CSMD1: variants seen among roughly 807,000 people sequenced by gnomAD.
CSMD1 encodes the protein CUB and sushi domain-containing protein 1.
Under a neutral mutation model 417.5 loss-of-function variants are expected in CSMD1, and 213 were observed. That is an observed-to-expected ratio of 0.51 (90% confidence interval 0.46 to 0.57). CSMD1 has a LOEUF of 0.57. Among genes scored for constraint, CSMD1 ranks in the 20% least tolerant of loss-of-function variants. CSMD1 has a pLI of 0.00. For missense variants in CSMD1, 6,923 were observed against 4,529.7 expected (o/e 1.53, Z -15.17); for synonymous variants, 2,862 against 1,736.8 (o/e 1.65, Z -16.11).
chr8:4,419,109 T>G (rs1797107204), intron 3 of CSMD1, among the ~76,000 whole-genome samples: 1 of 152,194 alleles, frequency 6.6e-6, no homozygotes, highest in African/African-American at 2.4e-5. Context: ...AATTTGTGAC[T>G]TAGTAGCAAA....
chr8:4,911,804 G>T (rs1016590156), intron 1 of CSMD1, among the ~76,000 whole-genome samples: 6 of 151,980 alleles, frequency 3.9e-5, no homozygotes, highest in Admixed American at 3.3e-4. Context: ...TTCTAGATTG[G>T]AGTTGCTCAT....
chr8:3,731,988 G>A (rs1243683021), intron 6 of CSMD1, among the ~76,000 whole-genome samples: 1 of 152,106 alleles, frequency 6.6e-6, no homozygotes, highest in South Asian at 2.1e-4. Context: ...GATATTTAAA[G>A]AACAGCAGCA....
At chr8:3,697,046 G>A (rs745499050) in intron 7 of CSMD1, among the ~76,000 whole-genome samples, 2 of 152,138 alleles carry the variant, frequency 1.3e-5, no homozygotes, top group South Asian at 2.1e-4. Flanking sequence ...TCCATTGAGG[G>A]CAGACACAAG....
At position 4,152,857 on chromosome 8, in the gene CSMD1, T is replaced by C. The variant is rs574279525; in HGVS notation, c.416-120758A>G. 2.6e-5 allele frequency among the ~76,000 whole-genome samples: 4 copies of C among 152,304 alleles called. No individual in the cohort carries two copies. The South Asian group carries it at 8.3e-4, about 32-fold the overall frequency. ...ATGTATGTATGTGCATGTGTATTTATGGAGAAATGAGAAATTAACATCAAA... is the reference window on the plus strand; with the variant it reads ...ATGTATGTATGTGCATGTGTATTTACGGAGAAATGAGAAATTAACATCAAA... On this transcript the variant is annotated intron_variant, in intron 3 of 69. Transcript: ENST00000635120.
intron 5 of CSMD1, among the ~76,000 whole-genome samples, chr8:3,983,061 A>T (rs570058954): frequency 1.3e-5 from 2 of 151,148 alleles, no homozygotes; most frequent in East Asian, 3.9e-4. Context: ...AAGTTGGCTG[A>T]CTCTTTTCCC....
intron 1 of CSMD1, among the ~76,000 whole-genome samples, chr8:4,741,423 T>A (rs1292273092): frequency 6.6e-6 from 1 of 152,198 alleles, no homozygotes; most frequent in East Asian, 1.9e-4. Flanking sequence ...GACCAGGAAA[T>A]AACTGTTTTT....
chr8:4,411,611 G>A (rs1796652967), intron 3 of CSMD1, among the ~76,000 whole-genome samples: 1 of 152,036 alleles, frequency 6.6e-6, no homozygotes, highest in Non-Finnish European at 1.5e-5. Context: ...GAAAAATACA[G>A]CAATCCTTCC....
At chr8:3,855,922 G>C (rs113885899) in intron 5 of CSMD1, among the ~76,000 whole-genome samples, 2 of 152,098 alleles carry the variant, frequency 1.3e-5, no homozygotes, top group Non-Finnish European at 2.9e-5. Context: ...ATCTGTACGG[G>C]TGAGATAAAT....
chr8:4,741,909 C>A lies in CSMD1; in HGVS notation c.86-104351G>T, dbSNP rs893423081. Among the ~76,000 whole-genome samples, 20 of 150,656 alleles carry A rather than the reference C, an allele frequency of 1.3e-4. No homozygotes were observed. In the Middle Eastern group the frequency reaches 0.01, roughly 79 times the overall value. On this transcript the variant is annotated intron_variant, in intron 1 of 69. Transcript: ENST00000635120. ...AGTACAGTAGCATGATCACAGCTCACTGCAGCTTCGACTTCCTGGGCTCAA... is the reference window on the plus strand; with the variant it reads ...AGTACAGTAGCATGATCACAGCTCAATGCAGCTTCGACTTCCTGGGCTCAA...
At chr8:2,968,649 C>A (rs1468999650) in intron 57 of CSMD1, among the ~76,000 whole-genome samples, 2 of 152,060 alleles carry the variant, frequency 1.3e-5, no homozygotes, top group East Asian at 3.9e-4. Context: ...GACTAGAAGG[C>A]AATGTCAACA....
At chr8:3,677,927 A>T (rs1020687232) in intron 7 of CSMD1, among the ~76,000 whole-genome samples, 24 of 152,178 alleles carry the variant, frequency 1.6e-4, no homozygotes, top group Admixed American at 1.1e-3. Context: ...TTTGTATTAG[A>T]CAAAATAAGA....
chr8:4,008,537 G>A (rs552803301), intron 4 of CSMD1, among the ~76,000 whole-genome samples: 2 of 144,966 alleles, frequency 1.4e-5, no homozygotes, highest in Middle Eastern at 7.6e-3. Context: ...GAAAGTTACA[G>A]ATAAATACTT....
chr8:3,245,245 A>G (rs563945530), intron 26 of CSMD1, among the ~76,000 whole-genome samples: 53 of 152,250 alleles, frequency 3.5e-4, no homozygotes, highest in African/African-American at 1.3e-3. Flanking sequence ...GTCCACAGCA[A>G]ACATTCATTC....
At chr8:4,095,333 G>A (rs912419798) in intron 3 of CSMD1, among the ~76,000 whole-genome samples, 1 of 152,090 alleles carries the variant, frequency 6.6e-6, no homozygotes. Flanking sequence ...TGCCACATTA[G>A]CAGCTTCCTG....
rs562490326 is a variant in CSMD1, at chr8:4,069,631, A to G, written c.416-37532T>C. On this transcript the variant is annotated intron_variant, in intron 3 of 69. Coordinates refer to ENST00000635120, the MANE Select transcript of CSMD1 (RefSeq NM_033225.6). ...ATACCATCTGGCCTGTATTCCCCTC[A>G]AGCCTCTGCAGCTTCCTGGGCCATG... is the stretch of plus-strand genomic sequence containing the variant. 1.3e-5 allele frequency among the ~76,000 whole-genome samples: 2 copies of G among 151,940 alleles called. 1 individual carries two copies. The highest frequency in any genetic ancestry group is 4.2e-4 in the South Asian group (2 of 4,816).
chr8:4,726,125 C>T (rs1329932209), intron 1 of CSMD1, among the ~76,000 whole-genome samples: 1 of 152,070 alleles, frequency 6.6e-6, no homozygotes, highest in Non-Finnish European at 1.5e-5. Flanking sequence ...GAGGACAAGA[C>T]GTCATCTGGG....
rs562254862 is a variant in CSMD1, at chr8:3,735,006, A to G, written c.931+18924T>C. Reference sequence around the variant, plus strand: ...CTCCCCTGTGGTGTGCAAAGAGAGGAGTGAGGAGGGAATGCTGTTTTTGTA... The same window carrying G: ...CTCCCCTGTGGTGTGCAAAGAGAGGGGTGAGGAGGGAATGCTGTTTTTGTA... On this transcript the variant is annotated intron_variant, in intron 6 of 69. Coordinates refer to ENST00000635120, the MANE Select transcript of CSMD1 (RefSeq NM_033225.6). Among the ~76,000 whole-genome samples the G allele has an allele frequency of 5.3e-5, 8 of 152,320 alleles. No individual in the cohort carries two copies. The South Asian group carries it at 1.7e-3, about 32-fold the overall frequency.
chr8:4,214,216 G>T (rs749627364), intron 3 of CSMD1, among the ~76,000 whole-genome samples: 1 of 152,124 alleles, frequency 6.6e-6, no homozygotes, highest in Admixed American at 6.5e-5. Context: ...GAAATTAAAT[G>T]AATGGACTAA....
chr8:4,650,784 A>G (rs80023757), intron 1 of CSMD1, among the ~76,000 whole-genome samples: 6,945 of 152,276 alleles, frequency 0.046, 426 homozygotes, highest in African/African-American at 0.13. Flanking sequence ...AGTTTCATCT[A>G]GATTCTATTC....
Sources: gnomAD v4.1 joint callset for allele counts (sites outside exome capture counted in the v4.1 genomes callset) on GRCh38, gnomAD v4.1.1 for gene constraint, MANE v1.5 for transcripts, NCBI Gene and HGNC (gene_info 2026-07-23, HGNC 2026-07-21) for gene names.